The following ASAH1 variants were observed in gnomAD, a reference collection of about 807,000 sequenced individuals.
ASAH1 encodes N-acylsphingosine amidohydrolase 1.
A neutral mutation model predicts 59.5 loss-of-function variants in ASAH1; 70 were observed. The observed-to-expected ratio is 1.18, with a 90% CI of 0.97 to 1.43. The LOEUF (loss-of-function observed/expected upper bound fraction) is 1.43, where lower values mean the gene tolerates loss of function less well. ASAH1 is among the 40% of genes most tolerant of loss of function. The pLI is 0.00. For synonymous variants in ASAH1, 213 were observed against 166.5 expected, an observed-to-expected ratio of 1.28 and a Z score of -2.15; for missense variants, 660 against 482.5, an observed-to-expected ratio of 1.37 and a Z score of -3.45.
chr8:18,083,990 G>C lies in ASAH1; in HGVS notation c.69C>G (p.His23Gln), dbSNP rs1412333581. The change falls in exon 1 of 14, where the codon CAC becomes CAG. Residue 23 changes from histidine to glutamine, a missense_variant. By Grantham distance (24) the His-to-Gln change is conservative. Coordinates refer to ENST00000637790, the MANE Select transcript of ASAH1 (RefSeq NM_177924.5). ...GCTCAAGCTCACTCACCGGCGGCGC[G>C]TGCTGCGCGACGGCACAGCTGACGG... The part of the protein sequence containing the change: ...AAAVSCAVAQ[H>Q]APPWTEDCRK... 3 of 1,597,804 alleles carry C rather than the reference G, an allele frequency of 1.9e-6. No individual in the cohort carries two copies. The highest frequency in any genetic ancestry group is 2.2e-5 in the East Asian group (1 of 44,858).
intron 1 of ASAH1, among the ~76,000 whole-genome samples, chr8:18,077,175 C>T (rs1039862594): frequency 2.0e-5 from 3 of 152,138 alleles, no homozygotes; most frequent in Admixed American, 2.0e-4. Context: ...GAAATGATGA[C>T]GGTTATATCC....
chr8:18,057,319 C>T lies in ASAH1; in HGVS notation c.*215G>A, dbSNP rs1799510107. On this transcript the variant is annotated 3_prime_UTR_variant, in exon 14 of 14. Coordinates refer to ENST00000637790, the MANE Select transcript of ASAH1 (RefSeq NM_177924.5). The stretch of plus-strand genomic sequence containing the variant: ...ATTCTAGATGACTGTTTTACTTCCC[C>T]TAAAGAAGTTATCTGTAAATAAGAA... The T allele has an allele frequency of 2.7e-6, 1 of 375,774 alleles. No individual in the cohort carries two copies. Among genetic ancestry groups the T allele is most frequent in the Non-Finnish European group, 5.2e-6 (1 of 194,056 alleles). 23.3% of individuals were successfully genotyped at this position (375,774 alleles called of 1,614,324 possible). A position where few individuals can be genotyped will look rare whatever the true frequency, so the allele number is the denominator to read the frequency against.
intron 4 of ASAH1, 79 bp from the exon 5 acceptor site, chr8:18,067,377 T>C (rs1799977462): frequency 1.1e-5 from 10 of 903,960 alleles, no homozygotes; most frequent in Non-Finnish European, 1.5e-5. Context: ...ACAAATATAA[T>C]AAAAGCATGC....
rs1006731021 is a variant in ASAH1 at position 18,075,705 on chromosome 8, C to T, written c.79-118G>A. On this transcript the variant is annotated intron_variant, in intron 1 of 13. Coordinates refer to ENST00000637790, the MANE Select transcript of ASAH1 (RefSeq NM_177924.5). ...TCAAGTCTGATATTGCTCTTTTATA[C>T]GTTTCAATGCCTCTTAAAATAAGTC... 89 of 843,460 alleles carry T rather than the reference C, an allele frequency of 1.1e-4. 1 individual carries two copies. In the Middle Eastern group the frequency reaches 1.2e-3, roughly 11 times the overall value. The allele number at this position is 843,460 out of a possible 1,614,324, so 52.2% of individuals were successfully genotyped here. A position where few individuals can be genotyped will look rare whatever the true frequency, so the allele number is the denominator to read the frequency against.
rs181442666 is a variant in ASAH1 at position 18,062,139 on chromosome 8, A to G, written c.648+140T>C. 1.2e-4 allele frequency: 132 copies of G among 1,134,654 alleles called. 1 individual carries two copies. The East Asian group carries it at 3.1e-3, about 27-fold the overall frequency. The allele number at this position is 1,134,654 out of a possible 1,614,324, so 70.3% of individuals were successfully genotyped here. A position where few individuals can be genotyped will look rare whatever the true frequency, so the allele number is the denominator to read the frequency against. ...TTCTCTACCACGAGATCTCATACCT[A>G]TGAAGTGACAAGAAGTACAAGGGGG... On this transcript the variant is annotated intron_variant, in intron 8 of 13. Transcript: ENST00000637790.
chr8:18,063,470 C>CA (rs761854842), intron 6 of ASAH1: 17 of 291,050 alleles, frequency 5.8e-5, no homozygotes, highest in Non-Finnish European at 9.4e-5. Flanking sequence ...CACCTGGCTA[C>CA]TTTTTTTTTT....
intron 1 of ASAH1, among the ~76,000 whole-genome samples, chr8:18,077,973 T>C (rs1386591737): frequency 6.6e-6 from 1 of 152,182 alleles, no homozygotes; most frequent in Admixed American, 6.5e-5. Flanking sequence ...CCTGCTCCAT[T>C]AGTGACTTGT....
intron 1 of ASAH1, among the ~76,000 whole-genome samples, chr8:18,078,916 C>A (rs755071586): frequency 7.2e-5 from 11 of 152,238 alleles, no homozygotes; most frequent in African/African-American, 2.6e-4. Flanking sequence ...CCCTACCTTT[C>A]TCCCTGCCCC....
intron 2 of ASAH1, among the ~76,000 whole-genome samples, chr8:18,071,623 C>G (rs911085789): frequency 6.6e-6 from 1 of 151,984 alleles, no homozygotes; most frequent in African/African-American, 2.4e-5. Flanking sequence ...AGGGAAGGTT[C>G]ATGTGAATTG....
intron 10 of ASAH1, chr8:18,060,089 T>C (rs1799628436): frequency 9.1e-6 from 2 of 220,866 alleles, no homozygotes; most frequent in Non-Finnish European, 9.1e-6. Context: ...CATTTTTAGA[T>C]GACTTAGAAC....
chr8:18,072,606 A>T (rs1202355927), intron 2 of ASAH1, among the ~76,000 whole-genome samples: 1 of 152,230 alleles, frequency 6.6e-6, no homozygotes, highest in South Asian at 2.1e-4. Context: ...TTTTCTTAGG[A>T]GCTGATATCT....
At chr8:18,084,450 T>C, upstream of ASAH1, 2 of 1,351,730 alleles carry the variant, frequency 1.5e-6, no homozygotes, top group Non-Finnish European at 1.9e-6. Flanking sequence ...GGGTGCAGCC[T>C]GTCCCGCGTA....
At chr8:18,071,264 A>G in intron 3 of ASAH1, 36 bp downstream of exon 3, 1 of 1,081,562 alleles carries the variant, frequency 9.2e-7, no homozygotes, top group Non-Finnish European at 1.2e-6. Flanking sequence ...AAAAAATAAA[A>G]ATAAAGAAAT....
intron 6 of ASAH1, chr8:18,063,647 C>T (rs914087915): frequency 5.8e-6 from 1 of 171,588 alleles, no homozygotes; most frequent in African/African-American, 2.4e-5. Context: ...TTATTCACAA[C>T]TGTTTCTTCA....
At chr8:18,061,162 T>C (rs1799681014) in intron 10 of ASAH1, 2 of 435,738 alleles carry the variant, frequency 4.6e-6, no homozygotes, top group Non-Finnish European at 8.3e-6. Flanking sequence ...AATGTCAGTA[T>C]CCCTAGTGCT....
At position 18,083,984 on chromosome 8, in the gene ASAH1, C is replaced by T. The variant is rs767457781; in HGVS notation, c.75G>A (p.Pro25=). 2 of 1,597,550 alleles carry T rather than the reference C, an allele frequency of 1.3e-6. No individual in the cohort carries two copies. Among genetic ancestry groups the T allele is most frequent in the Admixed American group, 1.7e-5 (1 of 59,920 alleles). The stretch of plus-strand genomic sequence containing the variant: ...GCCTCGGCTCAAGCTCACTCACCGG[C>T]GGCGCGTGCTGCGCGACGGCACAGC... ...AVSCAVAQHA[P]PWTEDCRKST... Residue 25 remains proline (P), a synonymous_variant, in exon 1 of 14, where the codon CCG becomes CCA. Transcript: ENST00000637790.
At chr8:18,080,364 C>A (rs551437781) in intron 1 of ASAH1, among the ~76,000 whole-genome samples, 12 of 152,268 alleles carry the variant, frequency 7.9e-5, no homozygotes, top group African/African-American at 2.4e-4. Context: ...CCATCTCTCC[C>A]CTCTAGTTCC....
upstream of ASAH1, chr8:18,084,254 G>C: frequency 1.4e-6 from 2 of 1,458,288 alleles, no homozygotes; most frequent in African/African-American, 1.4e-5. Flanking sequence ...GAAAAGGGTG[G>C]CGTAGAGAAA....
Position 18,058,817 on chromosome 8 carries a change from A to C in ASAH1, c.1098+18T>G, listed in dbSNP as rs376635519. The C allele has an allele frequency of 1.3e-6, 2 of 1,596,556 alleles. No homozygotes were observed. Among genetic ancestry groups the C allele is most frequent in the Non-Finnish European group, 1.7e-6 (2 of 1,164,104 alleles). On this transcript the variant is annotated intron_variant, in intron 13 of 13. Coordinates refer to ENST00000637790, the MANE Select transcript of ASAH1 (RefSeq NM_177924.5). ...TTCTTTCCCTAAAAGGCAAATATAC[A>C]TATAACATTTAAAATACCTTGTTGA...
Sources: allele counts gnomAD v4.1 joint callset (sites outside exome capture counted in the v4.1 genomes callset), GRCh38; gene constraint gnomAD v4.1.1; transcripts MANE v1.5; gene names NCBI Gene and HGNC (gene_info 2026-07-23, HGNC 2026-07-21).